Variants in S100B observed in about 807,000 individuals in gnomAD.
S100B encodes protein S100-B.
In S100B, 6 loss-of-function variants were observed where a neutral mutation model predicts 7.7. The observed-to-expected ratio is 0.78, with a 90% CI of 0.43 to 1.54. The LOEUF is 1.54. Ranked by LOEUF, S100B falls within the 40% of genes most tolerant of loss-of-function variation. The probability of loss-of-function intolerance (pLI) is 0.01; values close to 1 mark genes in which losing one functional copy is unlikely to be tolerated. For missense variants in S100B, 99 were observed against 111.8 expected (o/e 0.89, Z 0.52); for synonymous variants, 36 against 40.4 (o/e 0.89, Z 0.41).
intron 1 of S100B, among the ~76,000 whole-genome samples, chr21:46,603,474 GC>G (rs1260882339): frequency 7.0e-6 from 1 of 142,418 alleles, no homozygotes; most frequent in African/African-American, 2.6e-5. Context: ...AGTACCTTAC[GC>G]CACAGCCTAC....
chr21:46,603,392 A>AGGGGGTGGGGGGAGGGGGGGGCGGGGTGG (rs796474856), intron 1 of S100B, among the ~76,000 whole-genome samples: 1 of 38,206 alleles, frequency 2.6e-5, no homozygotes, highest in Non-Finnish European at 4.9e-5. Context: ...GGACGGCGGG[A>AGGGGGTGGGGGGAGGGGGGGGCGGGGTGG]GGGGGTGGGG....
chr21:46,599,398 T>C lies in S100B; in HGVS notation c.244A>G (p.Thr82Ala). ...QEFMAFVAMV[T>A]TACHEFFEHE ...TCAAAGAACTCGTGGCAGGCAGTAG[T>C]AACCATGGCAACAAAGGCCATGAAT... Residue 82 changes from threonine to alanine, a missense_variant, in exon 3 of 3, where the codon ACT becomes GCT. Coordinates refer to ENST00000291700, the MANE Select transcript of S100B (RefSeq NM_006272.3). 6.2e-7 allele frequency: 1 copy of C among 1,614,070 alleles called. No individual in the cohort carries two copies. The highest frequency in any genetic ancestry group is 8.5e-7 in the Non-Finnish European group (1 of 1,179,906).
chr21:46,600,110 G>A (rs2061037379), intron 2 of S100B, among the ~76,000 whole-genome samples: 2 of 152,212 alleles, frequency 1.3e-5, no homozygotes, highest in South Asian at 4.1e-4. Flanking sequence ...CAACCACAGT[G>A]CAGGGCTACA....
In S100B at chr21:46,602,324, G is replaced by C. The variant is rs1223547542; in HGVS notation, c.92C>G (p.Ser31Cys). The part of the protein sequence containing the change: ...REGDKHKLKK[S>C]ELKELINNEL... ...ATTGTTGATGAGCTCCTTCAGTTCGGATTTCTTCAGCTTGTGCTTGTCTCC... is the reference window on the plus strand; with the variant it reads ...ATTGTTGATGAGCTCCTTCAGTTCGCATTTCTTCAGCTTGTGCTTGTCTCC... Residue 31 changes from serine to cysteine, a missense_variant, in exon 2 of 3, where the codon TCC becomes TGC. Coordinates refer to ENST00000291700, the MANE Select transcript of S100B (RefSeq NM_006272.3). The C allele has an allele frequency of 6.2e-7, 1 of 1,614,040 alleles. No homozygotes were observed. Among genetic ancestry groups the C allele is most frequent in the Admixed American group, 1.7e-5 (1 of 60,024 alleles).
chr21:46,603,398 T>TGGGGGGTGGGGGGGGGCGGGGGGGGGG, intron 1 of S100B, among the ~76,000 whole-genome samples: 1 of 52,070 alleles, frequency 1.9e-5, no homozygotes, highest in Non-Finnish European at 3.8e-5. Flanking sequence ...CGGGAGGGGG[T>TGGGGGGTGGGGGGGGGCGGGGGGGGGG]GGGGGCAGGA....
chr21:46,599,557 A>G lies in S100B; in HGVS notation c.139-54T>C, dbSNP rs943373420. 2.7e-5 allele frequency: 41 copies of G among 1,524,254 alleles called. No individual in the cohort carries two copies. The East Asian group carries it at 9.0e-4, about 33-fold the overall frequency. 94.4% of individuals were successfully genotyped at this position (1,524,254 alleles called of 1,614,324 possible). ...TTGTTTTTAAATGGAATTTTGGACC[A>G]TCAAAACATGATTAAAAGTTGAGTG... On this transcript the variant is annotated intron_variant, in intron 2 of 2. Transcript: ENST00000291700.
intron 2 of S100B, among the ~76,000 whole-genome samples, chr21:46,601,356 G>A (rs923330429): frequency 3.9e-5 from 6 of 152,122 alleles, no homozygotes; most frequent in African/African-American, 4.8e-5. Context: ...CCTTCACTAC[G>A]TTTCATATGT....
In S100B at chr21:46,599,047, T is replaced by G; in HGVS notation, c.*316A>C. ...TTCTGTAGTCAGGGTTCCCTCCGGG[T>G]TAGGGTCTACACGGCCATGGCGGGC... On this transcript the variant is annotated 3_prime_UTR_variant, in exon 3 of 3. Coordinates refer to ENST00000291700, the MANE Select transcript of S100B (RefSeq NM_006272.3). 1 of 303,620 alleles carries G rather than the reference T, an allele frequency of 3.3e-6. No individual in the cohort carries two copies. The highest frequency in any genetic ancestry group is 6.0e-6 in the Non-Finnish European group (1 of 167,652). The allele number at this position is 303,620 out of a possible 1,614,324, so 18.8% of individuals were successfully genotyped here.
chr21:46,599,279 G>C lies in S100B; in HGVS notation c.*84C>G, dbSNP rs957851997. On this transcript the variant is annotated 3_prime_UTR_variant, in exon 3 of 3. Coordinates refer to ENST00000291700, the MANE Select transcript of S100B (RefSeq NM_006272.3). ...AGCTACAACACGGCTGGAAAGCTCA[G>C]CTCCTACTAGGCTGCAAGCCCTTGC... is the stretch of plus-strand genomic sequence containing the variant. The C allele has an allele frequency of 5.6e-5, 71 of 1,262,512 alleles. No individual in the cohort carries two copies. Among genetic ancestry groups the C allele is most frequent in the Middle Eastern group, 3.9e-4 (2 of 5,192 alleles). 78.2% of individuals were successfully genotyped at this position (1,262,512 alleles called of 1,614,324 possible).
In S100B at chr21:46,599,134, G is replaced by C; in HGVS notation, c.*229C>G. The C allele has an allele frequency of 3.6e-6, 2 of 549,034 alleles. No homozygotes were observed. Among genetic ancestry groups the C allele is most frequent in the Non-Finnish European group, 6.4e-6 (2 of 313,302 alleles). 34.0% of individuals were successfully genotyped at this position (549,034 alleles called of 1,614,324 possible). ...TAAGTTACTGTTAACAAGAGTCCCTGGGGCCAGTCAGCTTACACACAGGCC... is the reference window on the plus strand; with the variant it reads ...TAAGTTACTGTTAACAAGAGTCCCTCGGGCCAGTCAGCTTACACACAGGCC... On this transcript the variant is annotated 3_prime_UTR_variant, in exon 3 of 3. Coordinates refer to ENST00000291700, the MANE Select transcript of S100B (RefSeq NM_006272.3).
At chr21:46,603,952 C>T (rs563889952) in intron 1 of S100B, among the ~76,000 whole-genome samples, 69 of 152,266 alleles carry the variant, frequency 4.5e-4, no homozygotes, top group African/African-American at 1.6e-3. Flanking sequence ...TTGATATATG[C>T]ATGTTTGTAT....
chr21:46,601,913 A>G (rs1409794594), intron 2 of S100B, among the ~76,000 whole-genome samples: 2 of 152,262 alleles, frequency 1.3e-5, no homozygotes, highest in African/African-American at 4.8e-5. Context: ...CTAAACTTCT[A>G]GCTAAAGCCA....
intron 1 of S100B, among the ~76,000 whole-genome samples, chr21:46,603,392 A>AGGGGACGGCGGGAGGGGGGGGCGGGGG (rs1555923730): frequency 5.2e-5 from 2 of 38,206 alleles, no homozygotes; most frequent in Non-Finnish European, 9.8e-5. Context: ...GGACGGCGGG[A>AGGGGACGGCGGGAGGGGGGGGCGGGGG]GGGGGTGGGG....
intron 2 of S100B, 98 bp downstream of exon 2, chr21:46,602,180 T>C (rs2148944385): frequency 2.6e-6 from 3 of 1,168,088 alleles, no homozygotes; most frequent in South Asian, 3.0e-5. Flanking sequence ...GGAAGGGAAA[T>C]GAAATCACCT....
chr21:46,600,614 T>C (rs1307253462), intron 2 of S100B, among the ~76,000 whole-genome samples: 3 of 152,136 alleles, frequency 2.0e-5, no homozygotes, highest in African/African-American at 7.2e-5. Flanking sequence ...GGGAGGCACC[T>C]GTGGATGGGC....
rs1422345857 is a variant in S100B, at chr21:46,598,792, G to A, written c.*571C>T. 6.6e-6 allele frequency among the ~76,000 whole-genome samples: 1 copy of A among 152,224 alleles called. No homozygotes were observed. On this transcript the variant is annotated 3_prime_UTR_variant, in exon 3 of 3. Coordinates refer to ENST00000291700, the MANE Select transcript of S100B (RefSeq NM_006272.3). ...GCTGGCTCGGATTGCGAGTTCTGAT[G>A]GAGTTGCTTTTTCCAGGAGCGCTGC...
At chr21:46,604,490 G>C (rs79768839) in intron 1 of S100B, among the ~76,000 whole-genome samples, 2 of 152,172 alleles carry the variant, frequency 1.3e-5, no homozygotes, top group Non-Finnish European at 2.9e-5. Flanking sequence ...TAATTGTTAC[G>C]TAATTTCTGA....
intron 2 of S100B, among the ~76,000 whole-genome samples, chr21:46,601,498 G>T (rs2148944191): frequency 6.6e-6 from 1 of 152,272 alleles, no homozygotes; most frequent in Admixed American, 6.5e-5. Flanking sequence ...AGACAGGTGG[G>T]TCTGATCCAA....
chr21:46,604,142 C>T (rs1474407666), intron 1 of S100B, among the ~76,000 whole-genome samples: 1 of 152,076 alleles, frequency 6.6e-6, no homozygotes, highest in Non-Finnish European at 1.5e-5. Flanking sequence ...TAATAGAAAC[C>T]ACTAGAAAAT....
Sources: gnomAD v4.1 joint callset for allele counts (sites outside exome capture counted in the v4.1 genomes callset) on GRCh38, gnomAD v4.1.1 for gene constraint, MANE v1.5 for transcripts, NCBI Gene and HGNC (gene_info 2026-07-23, HGNC 2026-07-21) for gene names.